Variants in KCNH7 observed in about 807,000 individuals in gnomAD.
KCNH7 encodes the protein voltage-gated inwardly rectifying potassium channel KCNH7.
A neutral mutation model predicts 120.8 loss-of-function variants in KCNH7; 49 were observed. The observed-to-expected ratio is 0.41, with a 90% CI of 0.32 to 0.51. The LOEUF is 0.51. KCNH7 is among the 20% of genes least tolerant of loss of function. The probability of loss-of-function intolerance (pLI) is 0.38; values close to 1 mark genes in which losing one functional copy is unlikely to be tolerated. For synonymous variants in KCNH7, 547 were observed against 516.1 expected (o/e 1.06, Z -0.81); for missense variants, 1,097 against 1,446.6 (o/e 0.76, Z 3.92).
chr2:162,815,054 A>G (rs1364503027), intron 2 of KCNH7, among the ~76,000 whole-genome samples: 1 of 152,180 alleles, frequency 6.6e-6, no homozygotes, highest in Non-Finnish European at 1.5e-5. Context: ...CCAATAACTA[A>G]GTAACAAATA....
intron 2 of KCNH7, among the ~76,000 whole-genome samples, chr2:162,555,168 A>G (rs1042466152): frequency 1.3e-5 from 2 of 152,182 alleles, no homozygotes; most frequent in Non-Finnish European, 2.9e-5. Context: ...TTTTCATAGA[A>G]AGCTTGATAT....
intron 2 of KCNH7, among the ~76,000 whole-genome samples, chr2:162,783,825 C>T (rs1025253281): frequency 6.6e-6 from 1 of 152,056 alleles, no homozygotes; most frequent in South Asian, 2.1e-4. Context: ...ACCTGAGCTT[C>T]GAACATAAGA....
chr2:162,431,718 T>C (rs965652236), intron 8 of KCNH7, among the ~76,000 whole-genome samples: 1 of 151,978 alleles, frequency 6.6e-6, no homozygotes, highest in Non-Finnish European at 1.5e-5. Context: ...TAGAGTGTTT[T>C]CTTTTTTCTT....
intron 2 of KCNH7, among the ~76,000 whole-genome samples, chr2:162,688,860 G>A (rs1017491401): frequency 2.6e-5 from 4 of 151,350 alleles, no homozygotes; most frequent in African/African-American, 9.7e-5. Context: ...CTGCTACAGT[G>A]CAAAAAGCCA....
chr2:162,696,799 C>A (rs954511525), intron 2 of KCNH7, among the ~76,000 whole-genome samples: 7 of 152,094 alleles, frequency 4.6e-5, no homozygotes, highest in Admixed American at 2.0e-4. Context: ...GCTTCCTCTG[C>A]CAAAAGCGGG....
At chr2:162,400,565 C>G (rs1687039074) in intron 9 of KCNH7, 124 bp from the exon 10 acceptor site, 1 of 892,904 alleles carries the variant, frequency 1.1e-6, no homozygotes, top group East Asian at 2.5e-5. Flanking sequence ...TCCTACTACT[C>G]TTCTACCTCG....
At chr2:162,574,480 G>T (rs1009178596) in intron 2 of KCNH7, among the ~76,000 whole-genome samples, 6 of 151,684 alleles carry the variant, frequency 4.0e-5, no homozygotes, top group Admixed American at 3.9e-4. Flanking sequence ...GTTTATTATG[G>T]TCTCTTAATA....
rs1282453878 is a variant in KCNH7 at position 162,838,430 on chromosome 2, C to A, written c.76+13G>T. 2.5e-6 allele frequency: 4 copies of A among 1,609,928 alleles called. No individual in the cohort carries two copies. Among genetic ancestry groups the A allele is most frequent in the South Asian group, 1.1e-5 (1 of 90,982 alleles). ...AGAAAGCGAGGGCGAGAGAAGAGAACAAACGAACTTACTTTGCCCTTCAAA... is the reference window on the plus strand; with the variant it reads ...AGAAAGCGAGGGCGAGAGAAGAGAAAAAACGAACTTACTTTGCCCTTCAAA... On this transcript the variant is annotated intron_variant, in intron 1 of 15. Transcript: ENST00000332142.
chr2:162,724,062 TGAG>T (rs79296875), intron 2 of KCNH7, among the ~76,000 whole-genome samples: 4,938 of 152,262 alleles, frequency 0.032, 216 homozygotes, highest in African/African-American at 0.1. Flanking sequence ...CAGGTAATAA[TGAG>T]GTATAACTTC....
intron 6 of KCNH7, among the ~76,000 whole-genome samples, chr2:162,488,870 C>G (rs2105705226): frequency 6.6e-6 from 1 of 152,308 alleles, no homozygotes; most frequent in South Asian, 2.1e-4. Flanking sequence ...TAAAACCCAA[C>G]AGGTGCTTTT....
rs181046895 is a variant in KCNH7 at position 162,597,075 on chromosome 2, C to T, written c.308-59995G>A. On this transcript the variant is annotated intron_variant, in intron 2 of 15. Transcript: ENST00000332142. Reference sequence around the variant, plus strand: ...CGTTTGTGAGGATGTGGACAAAAGTCCGAGCCTTGTACACTGTTGGTCAGA... The same window carrying T: ...CGTTTGTGAGGATGTGGACAAAAGTTCGAGCCTTGTACACTGTTGGTCAGA... 2.2e-4 allele frequency among the ~76,000 whole-genome samples: 34 copies of T among 152,138 alleles called. 1 individual carries two copies. The East Asian group carries it at 6.2e-3, about 28-fold the overall frequency.
chr2:162,675,601 G>C (rs1335470734), intron 2 of KCNH7, among the ~76,000 whole-genome samples: 1 of 151,434 alleles, frequency 6.6e-6, no homozygotes, highest in Non-Finnish European at 1.5e-5. Flanking sequence ...AGTCATTTGA[G>C]TGAAAAATAT....
chr2:162,479,192 A>C (rs943185394), intron 6 of KCNH7, among the ~76,000 whole-genome samples: 1 of 150,988 alleles, frequency 6.6e-6, no homozygotes, highest in African/African-American at 2.4e-5. Context: ...TTTCAAAAAA[A>C]GTCATTCAAT....
chr2:162,734,769 G>A (rs1431022273), intron 2 of KCNH7, among the ~76,000 whole-genome samples: 1 of 151,866 alleles, frequency 6.6e-6, no homozygotes, highest in Non-Finnish European at 1.5e-5. Context: ...AATACATGAA[G>A]TTTATACCAT....
chr2:162,526,428 G>A (rs567237117), intron 3 of KCNH7, among the ~76,000 whole-genome samples: 5 of 152,036 alleles, frequency 3.3e-5, no homozygotes, highest in Admixed American at 2.6e-4. Context: ...AAGCCTGGGA[G>A]CGCTACGGGA....
At chr2:162,571,395 AG>A (rs1693469052) in intron 2 of KCNH7, among the ~76,000 whole-genome samples, 1 of 150,666 alleles carries the variant, frequency 6.6e-6, no homozygotes, top group Admixed American at 6.6e-5. Flanking sequence ...GAAATAAAAG[AG>A]GATACAAACA....
chr2:162,674,129 TG>T (rs1343544880), intron 2 of KCNH7, among the ~76,000 whole-genome samples: 1 of 151,596 alleles, frequency 6.6e-6, no homozygotes, highest in East Asian at 1.9e-4. Flanking sequence ...ACAAGGAAGG[TG>T]GAAAGATAAA....
intron 2 of KCNH7, among the ~76,000 whole-genome samples, chr2:162,825,410 TA>T (rs1336938801): frequency 6.6e-6 from 1 of 151,976 alleles, no homozygotes; most frequent in Non-Finnish European, 1.5e-5. Context: ...GATCAGACAA[TA>T]AGGTACTCTT....
At chr2:162,780,286 T>A (rs1574380097) in intron 2 of KCNH7, among the ~76,000 whole-genome samples, 2 of 152,208 alleles carry the variant, frequency 1.3e-5, no homozygotes, top group African/African-American at 4.8e-5. Flanking sequence ...AGTGATGTTT[T>A]CAGGTAAGTA....
Sources: allele counts gnomAD v4.1 joint callset (sites outside exome capture counted in the v4.1 genomes callset), GRCh38; gene constraint gnomAD v4.1.1; transcripts MANE v1.5; gene names NCBI Gene and HGNC (gene_info 2026-07-23, HGNC 2026-07-21).